SSBP4: variants seen among roughly 807,000 people sequenced by gnomAD.
SSBP4 encodes the protein single stranded DNA binding protein 4, also known as single-stranded DNA-binding protein 4.
In SSBP4, 33 loss-of-function variants were observed where a neutral mutation model predicts 64.6. The observed-to-expected ratio is 0.51, with a 90% CI of 0.39 to 0.68. The LOEUF (loss-of-function observed/expected upper bound fraction) is 0.68, where lower values mean the gene tolerates loss of function less well. Ranked by LOEUF, SSBP4 falls within the 30% of genes least tolerant of loss-of-function variation. SSBP4 has a pLI of 0.00. For missense variants in SSBP4, 583 were observed against 566.8 expected (o/e 1.03, Z -0.29); for synonymous variants, 243 against 224.0 (o/e 1.08, Z -0.76).
chr19:18,430,632 C>G (rs111963440), intron 4 of SSBP4, among the ~76,000 whole-genome samples: 136 of 152,268 alleles, frequency 8.9e-4, no homozygotes, highest in Non-Finnish European at 1.6e-3. Flanking sequence ...GGGAGCAGGT[C>G]TGTGAGAAAC....
intron 1 of SSBP4, chr19:18,420,020 G>GGCGCGAGATTTGAGGGGGC (rs1972324994): frequency 1.2e-5 from 2 of 163,862 alleles, no homozygotes; most frequent in Admixed American, 6.4e-5. Context: ...GAAACCCGAG[G>GGCGCGAGATTTGAGGGGGC]GCGCGAGATT....
chr19:18,432,284 G>A (rs1214111417), intron 10 of SSBP4, 70 bp downstream of exon 10: 2 of 1,576,714 alleles, frequency 1.3e-6, no homozygotes, highest in African/African-American at 2.7e-5. Context: ...TGGGTCAGCT[G>A]GGGCAGGTCC....
rs897015081 is a variant in SSBP4 at position 18,427,180 on chromosome 19, C to T, written c.60-171C>T. Among the ~76,000 whole-genome samples, 2 of 152,106 alleles carry T rather than the reference C, an allele frequency of 1.3e-5. No homozygotes were observed. Among genetic ancestry groups the T allele is most frequent in the African/African-American group, 2.4e-5 (1 of 41,418 alleles). On this transcript the variant is annotated intron_variant, in intron 1 of 17. Transcript: ENST00000270061. The surrounding 1 kb of genome is among the most constrained non-coding windows in gnomAD (Gnocchi z 4.4). ...GAATTCGGCCCGGAATTGGGGGTCA[C>T]GGATGCCTGGGAGGGGCCTGCAGGA...
rs1228991971 is a variant in SSBP4 at position 18,419,662 on chromosome 19, G to C, written c.14G>C (p.Gly5Ala). ...GCGTGGAGCAGCATGTACGCCAAGG[G>C]GGGCAAGGGTTCGGCCGTGCCCTCC... MYAK[G>A]GKGSAVPSDS... Residue 5 changes from glycine to alanine, a missense_variant, in exon 1 of 18, where the codon GGG becomes GCG. Gly to Ala is a moderately conservative substitution (Grantham distance 60). Around this residue, in one of 5 missense-constraint regions of SSBP4, gnomAD observed 39 missense variants for 25.7 expected, o/e 1.52. Coordinates refer to ENST00000270061, the MANE Select transcript of SSBP4 (RefSeq NM_032627.5). 1.7e-5 allele frequency: 21 copies of C among 1,241,710 alleles called. No individual in the cohort carries two copies. Among genetic ancestry groups the C allele is most frequent in the Non-Finnish European group, 1.2e-5 (12 of 987,708 alleles). The allele number at this position is 1,241,710 out of a possible 1,614,324, so 76.9% of individuals were successfully genotyped here. A position where few individuals can be genotyped will look rare whatever the true frequency, so the allele number is the denominator to read the frequency against.
the SSBP4 span, among the ~76,000 whole-genome samples, chr19:18,407,588 C>T: frequency 3.3e-5 from 5 of 151,366 alleles, no homozygotes; most frequent in African/African-American, 4.9e-5. Context: ...CCCGCCACCA[C>T]GCCCGGTTAA....
rs1180708179 is a variant in SSBP4, at chr19:18,419,832, G to T, written c.59+125G>T. The T allele has an allele frequency of 1.1e-5, 7 of 664,712 alleles. No homozygotes were observed. The South Asian group carries it at 2.0e-4, about 19-fold the overall frequency. 41.2% of individuals were successfully genotyped at this position (664,712 alleles called of 1,614,324 possible). ...AGCGCGAGCCTGAGCGCGCTCGAGG[G>T]GTCGCGAGATTGGCGGGGGCGCGCG... On this transcript the variant is annotated intron_variant, in intron 1 of 17. Coordinates refer to ENST00000270061, the MANE Select transcript of SSBP4 (RefSeq NM_032627.5).
chr19:18,419,648 C>A lies in SSBP4; in HGVS notation c.-1C>A. The A allele has an allele frequency of 7.9e-7, 1 of 1,258,144 alleles. No individual in the cohort carries two copies. The highest frequency in any genetic ancestry group is 2.1e-5 in the South Asian group (1 of 46,990). The allele number at this position is 1,258,144 out of a possible 1,614,324, so 77.9% of individuals were successfully genotyped here. A position where few individuals can be genotyped will look rare whatever the true frequency, so the allele number is the denominator to read the frequency against. On this transcript the variant is annotated 5_prime_UTR_variant, in exon 1 of 18. Coordinates refer to ENST00000270061, the MANE Select transcript of SSBP4 (RefSeq NM_032627.5). ...CCCCGGCGGCGGCGGCGTGGAGCAG[C>A]ATGTACGCCAAGGGGGGCAAGGGTT...
intron 1 of SSBP4, among the ~76,000 whole-genome samples, chr19:18,420,863 CA>C (rs1036782303): frequency 1.3e-5 from 2 of 149,110 alleles, no homozygotes; most frequent in African/African-American, 5.0e-5. Flanking sequence ...AAAAAAAAAA[CA>C]AAAAACAAAA....
rs1219819783 is a variant in SSBP4 at position 18,427,439 on chromosome 19, C to T, written c.132+16C>T. 1 of 1,607,626 alleles carries T rather than the reference C, an allele frequency of 6.2e-7. No homozygotes were observed. Among genetic ancestry groups the T allele is most frequent in the South Asian group, 1.1e-5 (1 of 90,916 alleles). On this transcript the variant is annotated intron_variant, in intron 2 of 17. Transcript: ENST00000270061. The surrounding 1 kb of genome is among the most constrained non-coding windows in gnomAD (Gnocchi z 4.4). Reference sequence around the variant, plus strand: ...CCTGTCTGAGGTAAGCCACCACCTCCAGGCTGGCCCTCCCTCCTCACCCAC... The same window carrying T: ...CCTGTCTGAGGTAAGCCACCACCTCTAGGCTGGCCCTCCCTCCTCACCCAC...
the SSBP4 span, among the ~76,000 whole-genome samples, chr19:18,406,686 C>T: frequency 1.3e-5 from 2 of 151,982 alleles, no homozygotes; most frequent in East Asian, 3.9e-4. Flanking sequence ...CAAAGTCTGC[C>T]CGCAGGTCCG....
chr19:18,411,007 G>C, the SSBP4 span, among the ~76,000 whole-genome samples: 1 of 152,186 alleles, frequency 6.6e-6, no homozygotes, highest in African/African-American at 2.4e-5. Flanking sequence ...GGGCGCGGTG[G>C]CTCACGCCTG....
At chr19:18,431,594 C>G (rs1330397907) in intron 6 of SSBP4, 53 bp from the exon 7 acceptor site, 20 of 1,515,998 alleles carry the variant, frequency 1.3e-5, no homozygotes, top group Non-Finnish European at 1.8e-5. Flanking sequence ...AATGGGGTAG[C>G]TTTGGGGACC....
rs538123528 is a variant in SSBP4, at chr19:18,432,039, C to G, written c.605C>G (p.Pro202Arg). Reference protein sequence around the residue: ...SMGGPMQRVTPPRGMASVGPQ... With the variant: ...SMGGPMQRVTRPRGMASVGPQ... ...GGCGGCCCAATGCAGAGGGTGACGC[C>G]TCCTCGTGGCATGGCCAGCGTGGGG... is the stretch of plus-strand genomic sequence containing the variant. Residue 202 changes from proline (P) to arginine (R), a missense_variant, in exon 9 of 18, where the codon CCT becomes CGT. By Grantham distance (103) the Pro-to-Arg change is moderately radical. Around this residue, in one of 5 missense-constraint regions of SSBP4, gnomAD observed 444 missense variants for 386.6 expected, o/e 1.15. Coordinates refer to ENST00000270061, the MANE Select transcript of SSBP4 (RefSeq NM_032627.5). 104 of 1,584,100 alleles carry G rather than the reference C, an allele frequency of 6.6e-5. 2 individuals carry two copies. In the South Asian group the frequency reaches 1.2e-3, roughly 18 times the overall value.
At chr19:18,434,060 T>G in intron 17 of SSBP4, 157 bp from the exon 18 acceptor site, 1 of 1,072,092 alleles carries the variant, frequency 9.3e-7, no homozygotes, top group Non-Finnish European at 1.1e-6. Flanking sequence ...CAGGGCGGCC[T>G]TCCCATGCAT....
intron 6 of SSBP4, 73 bp downstream of exon 6, chr19:18,431,491 G>A: frequency 8.5e-7 from 1 of 1,173,532 alleles, no homozygotes; most frequent in Non-Finnish European, 1.2e-6. Context: ...CCACCCTCAA[G>A]CCATGAGGTC....
intron 1 of SSBP4, among the ~76,000 whole-genome samples, chr19:18,424,144 C>T (rs540988996): frequency 3.9e-5 from 6 of 152,212 alleles, no homozygotes; most frequent in East Asian, 1.9e-4. Flanking sequence ...TCAGCAAAAC[C>T]GAAAACTTCC....
intron 17 of SSBP4, 35 bp from the exon 18 acceptor site, chr19:18,434,182 C>T (rs768452081): frequency 6.2e-7 from 1 of 1,609,746 alleles, no homozygotes; most frequent in South Asian, 1.1e-5. Flanking sequence ...GAGCTGAACT[C>T]GGCCCCTGCG....
At chr19:18,409,231 G>A in the SSBP4 span, among the ~76,000 whole-genome samples, 1 of 149,110 alleles carries the variant, frequency 6.7e-6, no homozygotes, top group Middle Eastern at 3.4e-3. Context: ...CTGTCATCCA[G>A]GCTGGAGTGC....
chr19:18,432,936 A>G, intron 13 of SSBP4, 37 bp from the exon 14 acceptor site: 1 of 1,613,896 alleles, frequency 6.2e-7, no homozygotes, highest in Non-Finnish European at 8.5e-7. Context: ...TTTGGGGGAA[A>G]CCCCGTCACA....
Sources: gnomAD v4.1 joint callset for allele counts (sites outside exome capture counted in the v4.1 genomes callset) on GRCh38, gnomAD v4.1.1 for gene constraint, gnomAD v4.1.1 regional missense constraint, Gnocchi (gnomAD v3.1) non-coding constraint, MANE v1.5 for transcripts, NCBI Gene and HGNC (gene_info 2026-07-23, HGNC 2026-07-21) for gene names.